Variants in MFF observed in about 807,000 individuals in gnomAD.
MFF encodes mitochondrial fission factor.
Under a neutral mutation model 36.9 loss-of-function variants are expected in MFF, and 12 were observed. That is an observed-to-expected ratio of 0.33 (90% CI 0.21 to 0.53). The LOEUF (loss-of-function observed/expected upper bound fraction) is 0.53, where lower values mean the gene tolerates loss of function less well. Ranked by LOEUF, MFF falls within the 20% of genes least tolerant of loss-of-function variation. The pLI is 0.95. For synonymous variants in MFF, 99 were observed against 126.2 expected, an observed-to-expected ratio of 0.78 and a Z score of 1.44; for missense variants, 348 against 366.6, an observed-to-expected ratio of 0.95 and a Z score of 0.42.
chr2:227,352,428 T>G, intron 6 of MFF, 86 bp from the exon 7 acceptor site: 1 of 926,290 alleles, frequency 1.1e-6, no homozygotes, highest in Non-Finnish European at 1.7e-6. Flanking sequence ...TATTTGACAT[T>G]TATTTGTCTT....
intron 4 of MFF, among the ~76,000 whole-genome samples, chr2:227,332,920 T>C (rs999275033): frequency 6.6e-6 from 1 of 152,234 alleles, no homozygotes; most frequent in African/African-American, 2.4e-5. Flanking sequence ...TATCACTTTG[T>C]TATAAAATCA....
At chr2:227,341,077 CTG>C (rs1323388017) in intron 5 of MFF, among the ~76,000 whole-genome samples, 1 of 152,096 alleles carries the variant, frequency 6.6e-6, no homozygotes, top group Admixed American at 6.5e-5. Context: ...TCTGTGGAAA[CTG>C]AAAGAATCAG....
intron 3 of MFF, 31 bp downstream of exon 3, chr2:227,330,877 T>A: frequency 6.6e-7 from 1 of 1,511,688 alleles, no homozygotes. Context: ...AGGTTGCCTG[T>A]TAAATCTTTG....
intron 2 of MFF, 54 bp downstream of exon 2, chr2:227,328,843 A>C (rs2074365668): frequency 8.0e-6 from 1 of 125,544 alleles, no homozygotes; most frequent in African/African-American, 3.9e-5. Flanking sequence ...AATCGTCTGC[A>C]TGCCAAATCC....
At chr2:227,328,848 A>C (rs2074366080) in intron 2 of MFF, 59 bp downstream of exon 2, 1 of 126,052 alleles carries the variant, frequency 7.9e-6, no homozygotes, top group African/African-American at 3.8e-5. Context: ...TCTGCATGCC[A>C]AATCCTTAAA....
intron 5 of MFF, 145 bp downstream of exon 5, chr2:227,340,525 C>A: frequency 3.1e-6 from 2 of 640,740 alleles, no homozygotes; most frequent in Non-Finnish European, 2.6e-6. Flanking sequence ...TTTTTGTAAT[C>A]TTAAAATCTG....
chr2:227,353,675 A>C (rs1415048814), intron 7 of MFF, among the ~76,000 whole-genome samples: 1 of 152,208 alleles, frequency 6.6e-6, no homozygotes. Context: ...TTTGTTTAAA[A>C]CACAATGTAA....
At chr2:227,325,980 T>C (rs988460577) in intron 1 of MFF, among the ~76,000 whole-genome samples, 1 of 152,172 alleles carries the variant, frequency 6.6e-6, no homozygotes, top group Non-Finnish European at 1.5e-5. Flanking sequence ...TCTGTGAGCA[T>C]CCCTGCTCGC....
At chr2:227,335,542 T>G (rs2074934846) in intron 4 of MFF, among the ~76,000 whole-genome samples, 1 of 152,146 alleles carries the variant, frequency 6.6e-6, no homozygotes, top group Non-Finnish European at 1.5e-5. Context: ...AGAAAATACC[T>G]CCAGACATTG....
In MFF at chr2:227,331,959, A is replaced by ATTTTTTTT. The variant is rs10549336; in HGVS notation, c.182-437_182-430dup. ...AGTGAAATGTCAATACGCTGGAAGCATTTTTTTTTTTTTTTTTTTTTTTTT... is the reference window on the plus strand; with the variant it reads ...AGTGAAATGTCAATACGCTGGAAGCATTTTTTTTTTTTTTTTTTTTTTTTTTTTTTTTT... On this transcript the variant is annotated intron_variant, in intron 3 of 8. Coordinates refer to ENST00000304593, the MANE Select transcript of MFF (RefSeq NM_001277062.2). 4.4e-4 allele frequency among the ~76,000 whole-genome samples: 34 copies of ATTTTTTTT among 76,826 alleles called. 3 individuals are homozygous for ATTTTTTTT. The highest frequency in any genetic ancestry group is 1.3e-3 in the African/African-American group (29 of 21,954). The allele number at this position is 76,826 out of a possible 152,430, so 50.4% of individuals were successfully genotyped here. A position where few individuals can be genotyped will look rare whatever the true frequency, so the allele number is the denominator to read the frequency against.
intron 4 of MFF, among the ~76,000 whole-genome samples, chr2:227,338,856 C>A (rs895873120): frequency 1.4e-5 from 2 of 142,878 alleles, no homozygotes; most frequent in Non-Finnish European, 3.1e-5. Flanking sequence ...AAAAAAAAAA[C>A]CATAATGTTG....
At chr2:227,341,040 CAT>C (rs1279690786) in intron 5 of MFF, among the ~76,000 whole-genome samples, 2 of 152,114 alleles carry the variant, frequency 1.3e-5, no homozygotes, top group Non-Finnish European at 2.9e-5. Context: ...TCATGAACCA[CAT>C]GTGATGGCAA....
intron 8 of MFF, 133 bp downstream of exon 8, chr2:227,355,894 T>C (rs114659896): frequency 1.2e-5 from 7 of 585,338 alleles, no homozygotes; most frequent in Non-Finnish European, 2.1e-5. Context: ...GATTTTCTCA[T>C]TTTGATTAAA....
At chr2:227,330,533 G>T (rs1177333374) in intron 2 of MFF, 93 bp from the exon 3 acceptor site, 3 of 772,114 alleles carry the variant, frequency 3.9e-6, no homozygotes, top group South Asian at 2.1e-5. Flanking sequence ...GTTTCCTTTC[G>T]CTCTTTCTAT....
chr2:227,347,127 A>G, intron 5 of MFF, 99 bp from the exon 6 acceptor site: 3 of 1,019,018 alleles, frequency 2.9e-6, no homozygotes, highest in Non-Finnish European at 4.4e-6. Context: ...GAAAGGGGCA[A>G]GAACACTAAG....
At chr2:227,327,691 T>C (rs1462865579) in intron 1 of MFF, among the ~76,000 whole-genome samples, 1 of 152,224 alleles carries the variant, frequency 6.6e-6, no homozygotes, top group Non-Finnish European at 1.5e-5. Flanking sequence ...GATGTACTAC[T>C]AGAAAGTTCG....
rs376319780 is a variant in MFF, at chr2:227,337,614, T to TA, written c.352-2678_352-2677insA. On this transcript the variant is annotated intron_variant, in intron 4 of 8. Transcript: ENST00000304593. ...AGCATGCAAAGTGTCTAGTGCTACA[T>TA]GTTATATAACTATGTAGCACTAGAC... is the stretch of plus-strand genomic sequence containing the variant. 7.5e-3 allele frequency among the ~76,000 whole-genome samples: 1,142 copies of TA among 152,352 alleles called. 15 individuals are homozygous for TA. Among genetic ancestry groups the TA allele is most frequent in the African/African-American group, 0.026 (1,085 of 41,582 alleles).
intron 5 of MFF, among the ~76,000 whole-genome samples, chr2:227,346,498 C>T (rs924705630): frequency 4.1e-4 from 62 of 152,094 alleles, no homozygotes; most frequent in Non-Finnish European, 5.0e-4. Flanking sequence ...CATGAAAGAA[C>T]GATTAAGATT....
At chr2:227,347,479 TC>T (rs747519650) in intron 6 of MFF, 95 bp downstream of exon 6, 1 of 971,314 alleles carries the variant, frequency 1.0e-6, no homozygotes, top group East Asian at 2.4e-5. Context: ...GTTTTTACCT[TC>T]TAGCCTCTTT....
Sources: allele counts gnomAD v4.1 joint callset (sites outside exome capture counted in the v4.1 genomes callset), GRCh38; gene constraint gnomAD v4.1.1; transcripts MANE v1.5; gene names NCBI Gene and HGNC (gene_info 2026-07-23, HGNC 2026-07-21).